The following KSR1 variants were observed in gnomAD, a reference collection of about 807,000 sequenced individuals.
KSR1 encodes the protein kinase suppressor of ras.
KSR1 carries 35 observed loss-of-function variants against 92.9 expected under a neutral mutation model. That is an observed-to-expected ratio of 0.38 (90% CI 0.29 to 0.50). The LOEUF (loss-of-function observed/expected upper bound fraction) is 0.50, where lower values mean the gene tolerates loss of function less well. KSR1 is among the 20% of genes least tolerant of loss of function. The probability of loss-of-function intolerance (pLI) is 0.94; values close to 1 mark genes in which losing one functional copy is unlikely to be tolerated. For synonymous variants in KSR1, 467 were observed against 472.6 expected (o/e 0.99, Z 0.15); for missense variants, 972 against 1,158.5 (o/e 0.84, Z 2.34).
chr17:27,583,097 C>A lies in KSR1; in HGVS notation c.972C>A (p.Ser324=), dbSNP rs772381538. The change falls in exon 4 of 21, where the codon TCC becomes TCA. Residue 324 remains serine, a synonymous_variant. Coordinates refer to ENST00000644974, the MANE Select transcript of KSR1 (RefSeq NM_001394583.1). ...TGGGGAACCGCATTGATGACGTCTC[C>A]TCGATGAGGTGAGTGCTCCTTCTGG... ...SQLGNRIDDV[S]SMRFDLSHGS... 1.9e-6 allele frequency: 3 copies of A among 1,552,968 alleles called. No individual in the cohort carries two copies. Among genetic ancestry groups the A allele is most frequent in the Non-Finnish European group, 2.6e-6 (3 of 1,146,262 alleles).
At chr17:27,507,965 C>A (rs770106460) in intron 1 of KSR1, among the ~76,000 whole-genome samples, 9 of 152,088 alleles carry the variant, frequency 5.9e-5, no homozygotes, top group Non-Finnish European at 1.0e-4. Context: ...CAGCTGCTGT[C>A]CTGCCCTAGA....
chr17:27,610,249 C>G, intron 17 of KSR1, 51 bp downstream of exon 17: 1 of 1,610,562 alleles, frequency 6.2e-7, no homozygotes, highest in Non-Finnish European at 8.5e-7. Flanking sequence ...AACAGAGGGC[C>G]CTGGTGGCCA....
At chr17:27,554,765 G>A (rs777225255) in intron 2 of KSR1, among the ~76,000 whole-genome samples, 10 of 152,196 alleles carry the variant, frequency 6.6e-5, no homozygotes, top group Non-Finnish European at 1.5e-4. Context: ...CCTGTCCCTG[G>A]AAAAATTATC....
At position 27,619,980 on chromosome 17, in the gene KSR1, G is replaced by T. The variant is rs369761665; in HGVS notation, c.2628-1213G>T. 3.6e-3 allele frequency among the ~76,000 whole-genome samples: 554 copies of T among 152,356 alleles called. 8 individuals are homozygous for T. Among genetic ancestry groups the T allele is most frequent in the African/African-American group, 0.013 (523 of 41,592 alleles). On this transcript the variant is annotated intron_variant, in intron 19 of 20. Transcript: ENST00000644974. ...CCCACAGTGCTGGGATTACAGGCAT[G>T]AGCCACCGCGCCCGGCCTTCGGGCC...
chr17:27,610,048 C>T lies in KSR1; in HGVS notation c.2226-19C>T. On this transcript the variant is annotated intron_variant, in intron 16 of 20. Coordinates refer to ENST00000644974, the MANE Select transcript of KSR1 (RefSeq NM_001394583.1). ...CTGCTGAAAGGCCTGTGTCCTTGTCCCGGCTTCCTGGTCTCCAGGCGTGAG... is the reference window on the plus strand; with the variant it reads ...CTGCTGAAAGGCCTGTGTCCTTGTCTCGGCTTCCTGGTCTCCAGGCGTGAG... The T allele has an allele frequency of 6.2e-7, 1 of 1,613,342 alleles. No individual in the cohort carries two copies. The highest frequency in any genetic ancestry group is 1.7e-5 in the Admixed American group (1 of 59,976).
At position 27,623,898 on chromosome 17, in the gene KSR1, TC is replaced by T; in HGVS notation, c.*510del. On this transcript the variant is annotated 3_prime_UTR_variant, in exon 21 of 21. Transcript: ENST00000644974. ...CATCAGGGAAATCTATCTAGGGCTCTCCCCTTGTCCTTTCAAAGGGATACTG... is the reference window on the plus strand; with the variant it reads ...CATCAGGGAAATCTATCTAGGGCTCTCCCTTGTCCTTTCAAAGGGATACTG... 2.6e-6 allele frequency: 1 copy of T among 381,446 alleles called. No homozygotes were observed. Among genetic ancestry groups the T allele is most frequent in the Non-Finnish European group, 4.6e-6 (1 of 217,372 alleles). The allele number at this position is 381,446 out of a possible 1,614,324, so 23.6% of individuals were successfully genotyped here. A position where few individuals can be genotyped will look rare whatever the true frequency, so the allele number is the denominator to read the frequency against.
At position 27,601,948 on chromosome 17, in the gene KSR1, A is replaced by G. The variant is rs181864784; in HGVS notation, c.1510+547A>G. ...TCCTTATTGCAGAAAGTTTAAAGGA[A>G]AACGCTTTCAGTAAGTCAATACATT... On this transcript the variant is annotated intron_variant, in intron 11 of 20. Transcript: ENST00000644974. 44 of 1,604,392 alleles carry G rather than the reference A, an allele frequency of 2.7e-5. 1 individual carries two copies. In the African/African-American group the frequency reaches 5.7e-4, roughly 21 times the overall value.
chr17:27,458,604 G>A (rs2019290863), intron 1 of KSR1, among the ~76,000 whole-genome samples: 2 of 152,196 alleles, frequency 1.3e-5, no homozygotes, highest in African/African-American at 4.8e-5. Flanking sequence ...AAGTGTTGGA[G>A]CTGGTTTATT....
chr17:27,613,738 G>GGCTGCA (rs1202279845), intron 18 of KSR1, among the ~76,000 whole-genome samples: 2 of 152,224 alleles, frequency 1.3e-5, no homozygotes, highest in Non-Finnish European at 2.9e-5. Flanking sequence ...TCCTGGCTGT[G>GGCTGCA]GCTGCAGCCT....
chr17:27,612,007 G>A (rs145347517), intron 18 of KSR1, among the ~76,000 whole-genome samples: 1 of 152,204 alleles, frequency 6.6e-6, no homozygotes, highest in Non-Finnish European at 1.5e-5. Flanking sequence ...GTGCTATGCT[G>A]TGGTATTAAA....
intron 1 of KSR1, among the ~76,000 whole-genome samples, chr17:27,463,303 A>G (rs944240089): frequency 6.6e-6 from 1 of 152,050 alleles, no homozygotes; most frequent in African/African-American, 2.4e-5. Flanking sequence ...TGAGTCTAGG[A>G]GTTCGAAACC....
chr17:27,469,181 C>T (rs1042338727), intron 1 of KSR1, among the ~76,000 whole-genome samples: 26 of 152,308 alleles, frequency 1.7e-4, no homozygotes, highest in African/African-American at 4.1e-4. Context: ...TTGCCCTTCC[C>T]GGCTCTTCTC....
intron 11 of KSR1, 59 bp downstream of exon 11, chr17:27,601,460 C>T: frequency 2.0e-6 from 3 of 1,495,664 alleles, no homozygotes; most frequent in Admixed American, 1.7e-5. Context: ...CTGTCCTGCC[C>T]ACCTGGGCAG....
At chr17:27,583,999 T>A in intron 4 of KSR1, 1 of 982,670 alleles carries the variant, frequency 1.0e-6, no homozygotes, top group Non-Finnish European at 1.2e-6. Context: ...CTTGTTCATA[T>A]TATTTCGTTG....
chr17:27,587,415 G>C (rs1474784792), intron 5 of KSR1: 1 of 152,256 alleles, frequency 6.6e-6, no homozygotes, highest in Non-Finnish European at 1.5e-5. Context: ...CTTTGTGCTA[G>C]ACCAGCACTT....
intron 4 of KSR1, 81 bp downstream of exon 4, chr17:27,583,186 A>C: frequency 1.0e-6 from 1 of 953,970 alleles, no homozygotes; most frequent in Non-Finnish European, 1.5e-6. Flanking sequence ...GACCAATAAA[A>C]TCAACCCCTA....
intron 2 of KSR1, among the ~76,000 whole-genome samples, chr17:27,576,502 T>C (rs1445774931): frequency 1.3e-5 from 2 of 152,202 alleles, no homozygotes; most frequent in African/African-American, 2.4e-5. Flanking sequence ...TGTACTGTTC[T>C]CACCCCTCAT....
At chr17:27,596,484 G>A (rs1204993231) in intron 9 of KSR1, among the ~76,000 whole-genome samples, 1 of 152,224 alleles carries the variant, frequency 6.6e-6, no homozygotes, top group African/African-American at 2.4e-5. Context: ...GAGTGTGGAA[G>A]GGATGACATT....
At chr17:27,616,182 G>A (rs2074049342) in intron 18 of KSR1, among the ~76,000 whole-genome samples, 1 of 152,000 alleles carries the variant, frequency 6.6e-6, no homozygotes, top group Non-Finnish European at 1.5e-5. Context: ...GAAAGCTTCT[G>A]GTAAATTTTC....
Sources: allele counts gnomAD v4.1 joint callset (sites outside exome capture counted in the v4.1 genomes callset), GRCh38; gene constraint gnomAD v4.1.1; transcripts MANE v1.5; gene names NCBI Gene and HGNC (gene_info 2026-07-23, HGNC 2026-07-21).